The following SP100 variants were observed in gnomAD, a reference collection of about 807,000 sequenced individuals.
SP100 encodes the protein nuclear autoantigen Sp-100.
SP100 carries 84 observed loss-of-function variants against 130.0 expected under a neutral mutation model. The observed-to-expected ratio is 0.65, with a 90% CI of 0.54 to 0.77. SP100 has a LOEUF of 0.77. Ranked by LOEUF, SP100 falls within the 30% of genes least tolerant of loss-of-function variation. The pLI is 0.00. For synonymous variants in SP100, 331 were observed against 351.7 expected (o/e 0.94, Z 0.66); for missense variants, 978 against 1,052.2 (o/e 0.93, Z 0.97).
At chr2:230,541,843 A>C in intron 27 of SP100, 49 bp from the exon 28 acceptor site, 1 of 1,579,198 alleles carries the variant, frequency 6.3e-7, no homozygotes, top group Non-Finnish European at 8.6e-7. Context: ...TAATAGTGGG[A>C]GTCTATGGCA....
At chr2:230,439,639 T>C (rs73095032) in intron 2 of SP100, among the ~76,000 whole-genome samples, 2,227 of 152,144 alleles carry the variant, frequency 0.015, 60 homozygotes, top group African/African-American at 0.051. Context: ...GTAAAAGGGA[T>C]TTGATTTGAT....
At chr2:230,535,210 A>G (rs983869082) in intron 24 of SP100, among the ~76,000 whole-genome samples, 3 of 149,900 alleles carry the variant, frequency 2.0e-5, no homozygotes, top group East Asian at 1.9e-4. Context: ...AAAAAAAAGT[A>G]TCTTATAATC....
chr2:230,539,309 C>T lies in SP100; in HGVS notation c.2137C>T (p.Arg713Trp), dbSNP rs199971910. ...NICEVCNKWGRLFCCDTCPRS... is the reference protein window; with the variant it reads ...NICEVCNKWGWLFCCDTCPRS... ...ATGTGAGGTGTGCAACAAATGGGGACGGCTGTTCTGCTGCGACACTTGTCC... is the reference window on the plus strand; with the variant it reads ...ATGTGAGGTGTGCAACAAATGGGGATGGCTGTTCTGCTGCGACACTTGTCC... Residue 713 changes from arginine to tryptophan, a missense_variant, in exon 25 of 29, where the codon CGG becomes TGG. Physicochemically the swap from Arg to Trp is moderately radical, Grantham distance 101. Coordinates refer to ENST00000340126, the MANE Select transcript of SP100 (RefSeq NM_001080391.2). The T allele has an allele frequency of 2.2e-3, 3,475 of 1,613,914 alleles. 8 individuals are homozygous for T. The highest frequency in any genetic ancestry group is 2.8e-3 in the Non-Finnish European group (3,287 of 1,179,822).
chr2:230,522,519 C>G (rs1275756849), intron 24 of SP100, among the ~76,000 whole-genome samples: 4 of 117,934 alleles, frequency 3.4e-5, no homozygotes, highest in Admixed American at 3.4e-4. Flanking sequence ...CTTGCACTGT[C>G]ACACTGTCAC....
intron 17 of SP100, among the ~76,000 whole-genome samples, chr2:230,484,293 A>T (rs2065965497): frequency 6.6e-6 from 1 of 152,258 alleles, no homozygotes; most frequent in Admixed American, 6.5e-5. Flanking sequence ...ATGTCTGCAA[A>T]TGACCAGGGA....
chr2:230,429,809 T>A (rs1178008761), intron 2 of SP100, among the ~76,000 whole-genome samples: 1 of 152,058 alleles, frequency 6.6e-6, no homozygotes, highest in Non-Finnish European at 1.5e-5. Flanking sequence ...TCTGGCTTTT[T>A]AAAAATGGTT....
At chr2:230,537,335 C>A (rs1006161953) in intron 24 of SP100, among the ~76,000 whole-genome samples, 1 of 152,162 alleles carries the variant, frequency 6.6e-6, no homozygotes, top group Non-Finnish European at 1.5e-5. Context: ...GCCATGCCCT[C>A]TATTTTCTTA....
At chr2:230,434,794 A>G (rs1347530126) in intron 2 of SP100, among the ~76,000 whole-genome samples, 1 of 152,208 alleles carries the variant, frequency 6.6e-6, no homozygotes, top group Non-Finnish European at 1.5e-5. Flanking sequence ...GAAAATAGCC[A>G]GTATCAAGTC....
chr2:230,454,507 G>T (rs564905893), intron 8 of SP100, among the ~76,000 whole-genome samples: 1 of 152,078 alleles, frequency 6.6e-6, no homozygotes, highest in East Asian at 1.9e-4. Flanking sequence ...TTTGTCTCAA[G>T]ATTTAAAAAA....
intron 24 of SP100, chr2:230,514,947 G>C: frequency 7.4e-7 from 1 of 1,347,878 alleles, no homozygotes; most frequent in South Asian, 1.5e-5. Context: ...GAGCTCCATA[G>C]AGATAGTGCT....
In SP100 at chr2:230,542,669, C is replaced by G. The variant is rs903851907; in HGVS notation, c.2548-167C>G. ...TGTAGTAGTATTTTGACTTGTCTTC[C>G]AGATAAAGATAAATAATTAAATTAT... On this transcript the variant is annotated intron_variant, in intron 28 of 28. Coordinates refer to ENST00000340126, the MANE Select transcript of SP100 (RefSeq NM_001080391.2). 4.6e-5 allele frequency among the ~76,000 whole-genome samples: 7 copies of G among 152,238 alleles called. No homozygotes were observed. The South Asian group carries it at 1.2e-3, about 27-fold the overall frequency.
At chr2:230,471,686 G>A (rs3769856) in intron 15 of SP100, among the ~76,000 whole-genome samples, 35,585 of 151,906 alleles carry the variant, frequency 0.23, 5,057 homozygotes, top group Non-Finnish European at 0.33. Flanking sequence ...GGCTGCTTGC[G>A]ACAGGTTTGA....
At chr2:230,515,610 G>A in intron 24 of SP100, 2 of 1,602,602 alleles carry the variant, frequency 1.2e-6, no homozygotes, top group Non-Finnish European at 1.7e-6. Context: ...ATGAACAAGA[G>A]GAGGAAAATG....
At chr2:230,441,251 C>T (rs1381376362) in intron 2 of SP100, among the ~76,000 whole-genome samples, 8 of 152,194 alleles carry the variant, frequency 5.3e-5, no homozygotes, top group Non-Finnish European at 7.4e-5. Context: ...CAAATTAAAA[C>T]GAAAATGACA....
rs1159749836 is a variant in SP100 at position 230,544,714 on chromosome 2, C to T, written c.*1768C>T. ...CAGGCTGGTCTTGAACTCCCGACCT[C>T]AGGTGATCCACCCACCTCGGCCTCC... is the stretch of plus-strand genomic sequence containing the variant. On this transcript the variant is annotated 3_prime_UTR_variant, in exon 29 of 29. Transcript: ENST00000340126. Among the ~76,000 whole-genome samples the T allele has an allele frequency of 6.6e-6, 1 of 152,178 alleles. No individual in the cohort carries two copies. Among genetic ancestry groups the T allele is most frequent in the Non-Finnish European group, 1.5e-5 (1 of 68,044 alleles).
At chr2:230,418,449 T>C (rs952274055) in intron 2 of SP100, among the ~76,000 whole-genome samples, 1 of 152,206 alleles carries the variant, frequency 6.6e-6, no homozygotes, top group African/African-American at 2.4e-5. Flanking sequence ...CCTTGTTGTC[T>C]CTTAGTTATT....
Position 230,443,032 on chromosome 2 carries a change from TA to T in SP100, c.209del (p.Lys70ArgfsTer68). 6.2e-7 allele frequency: 1 copy of T among 1,613,992 alleles called. No individual in the cohort carries two copies. Among genetic ancestry groups the T allele is most frequent in the South Asian group, 1.1e-5 (1 of 91,086 alleles). On this transcript the variant is annotated frameshift_variant, in exon 3 of 29. Transcript: ENST00000340126. LOFTEE classifies it high-confidence loss of function. The stretch of plus-strand genomic sequence containing the variant: ...AATAAGGTGGAGATTTCAAATGCAA[TA>T]AAAAAGACATTTCCATTCCTCGAGG... ...KRNKVEISNAIKKTFPFLEGL... is the reference protein window; with the variant it reads ...KRNKVEISNAXKKTFPFLEGL...
chr2:230,542,391 A>G, intron 28 of SP100, among the ~76,000 whole-genome samples: 1 of 152,206 alleles, frequency 6.6e-6, no homozygotes, highest in Non-Finnish European at 1.5e-5. Flanking sequence ...AGAGGAAGAT[A>G]CCAAATCAAA....
At chr2:230,428,691 C>T (rs189487351) in intron 2 of SP100, among the ~76,000 whole-genome samples, 1 of 152,248 alleles carries the variant, frequency 6.6e-6, no homozygotes, top group Admixed American at 6.5e-5. Flanking sequence ...ATCCACCCAC[C>T]TCGGCCTCCC....
Sources: gnomAD v4.1 joint callset for allele counts (sites outside exome capture counted in the v4.1 genomes callset) on GRCh38, gnomAD v4.1.1 for gene constraint, MANE v1.5 for transcripts, NCBI Gene and HGNC (gene_info 2026-07-23, HGNC 2026-07-21) for gene names.